Variants in RHOJ observed in about 807,000 individuals in gnomAD.
RHOJ encodes ras homolog family member J.
In RHOJ, 11 loss-of-function variants were observed where a neutral mutation model predicts 23.4. That is an observed-to-expected ratio of 0.47 (90% CI 0.30 to 0.78). RHOJ has a LOEUF of 0.78. RHOJ is among the 30% of genes least tolerant of loss of function. The pLI, the probability that RHOJ is intolerant of heterozygous loss-of-function variation, is 0.08. For missense variants in RHOJ, 254 were observed against 273.4 expected (o/e 0.93, Z 0.50); for synonymous variants, 102 against 102.7 (o/e 0.99, Z 0.04).
intron 2 of RHOJ, among the ~76,000 whole-genome samples, chr14:63,272,104 G>A (rs1004720966): frequency 7.9e-6 from 1 of 126,984 alleles, no homozygotes; most frequent in African/African-American, 4.6e-5. Context: ...TAAATTTTGA[G>A]AAGCACTACC....
At chr14:63,208,004 A>G (rs969484189) in intron 1 of RHOJ, among the ~76,000 whole-genome samples, 3 of 152,228 alleles carry the variant, frequency 2.0e-5, no homozygotes, top group African/African-American at 7.2e-5. Flanking sequence ...TGTAATTACA[A>G]GAGTATCCTT....
chr14:63,250,395 C>T (rs539630896), intron 1 of RHOJ, among the ~76,000 whole-genome samples: 229 of 152,224 alleles, frequency 1.5e-3, no homozygotes, highest in African/African-American at 5.0e-3. Context: ...CATGCCACCA[C>T]GCCCTGCTAA....
intron 1 of RHOJ, among the ~76,000 whole-genome samples, chr14:63,217,068 T>C (rs996641016): frequency 1.9e-5 from 1 of 52,348 alleles, no homozygotes; most frequent in Non-Finnish European, 5.3e-5. Context: ...TCTTTCCCGC[T>C]TTTTTTTTCT....
intron 1 of RHOJ, among the ~76,000 whole-genome samples, chr14:63,206,118 C>G (rs1361506485): frequency 6.6e-6 from 1 of 152,162 alleles, no homozygotes; most frequent in Non-Finnish European, 1.5e-5. Flanking sequence ...TGAAATCCTC[C>G]TTCTATAGAA....
At chr14:63,290,303 GA>G (rs1882206420) in intron 4 of RHOJ, among the ~76,000 whole-genome samples, 4 of 152,148 alleles carry the variant, frequency 2.6e-5, no homozygotes, top group Admixed American at 2.0e-4. Flanking sequence ...TTACCTTGTT[GA>G]GGGATACCTT....
At chr14:63,254,505 C>T (rs61589535) in intron 1 of RHOJ, among the ~76,000 whole-genome samples, 8,835 of 152,242 alleles carry the variant, frequency 0.058, 328 homozygotes, top group East Asian at 0.19. Context: ...TCATTACTTG[C>T]AAGGCACGGT....
intron 1 of RHOJ, among the ~76,000 whole-genome samples, chr14:63,239,563 A>T (rs1334641122): frequency 6.6e-6 from 1 of 152,170 alleles, no homozygotes; most frequent in Admixed American, 6.5e-5. Context: ...ACTCACATGG[A>T]CTCCTTTGAA....
intron 1 of RHOJ, among the ~76,000 whole-genome samples, chr14:63,240,519 T>C (rs1894865550): frequency 6.6e-6 from 1 of 152,152 alleles, no homozygotes; most frequent in Non-Finnish European, 1.5e-5. Context: ...GCTGAAGATG[T>C]ATAGGGCTCC....
chr14:63,288,446 T>G (rs1882152695), intron 4 of RHOJ: 1 of 509,594 alleles, frequency 2.0e-6, no homozygotes, highest in Non-Finnish European at 2.5e-6. Flanking sequence ...TCCAGACAAG[T>G]GCCACCACGT....
At chr14:63,214,533 T>C (rs1191300139) in intron 1 of RHOJ, among the ~76,000 whole-genome samples, 2 of 152,170 alleles carry the variant, frequency 1.3e-5, no homozygotes, top group Non-Finnish European at 2.9e-5. Flanking sequence ...GAAAAGGCCT[T>C]TAGTGCCTCT....
At chr14:63,262,150 T>A (rs931616614) in intron 1 of RHOJ, among the ~76,000 whole-genome samples, 1 of 152,168 alleles carries the variant, frequency 6.6e-6, no homozygotes, top group Non-Finnish European at 1.5e-5. Flanking sequence ...AAAAGACCAC[T>A]CTCGGCAGCT....
At chr14:63,230,109 G>A (rs1286168792) in intron 1 of RHOJ, among the ~76,000 whole-genome samples, 3 of 151,950 alleles carry the variant, frequency 2.0e-5, no homozygotes, top group Non-Finnish European at 2.9e-5. Context: ...AGAGTGGGGT[G>A]GCAGTGGTGA....
intron 1 of RHOJ, among the ~76,000 whole-genome samples, chr14:63,228,535 A>G (rs1335043101): frequency 6.6e-6 from 1 of 152,236 alleles, no homozygotes; most frequent in Non-Finnish European, 1.5e-5. Context: ...GGAAGCGCTT[A>G]AAGAATTGAT....
At chr14:63,212,103 C>G (rs1894249959) in intron 1 of RHOJ, among the ~76,000 whole-genome samples, 2 of 152,160 alleles carry the variant, frequency 1.3e-5, no homozygotes, top group Non-Finnish European at 2.9e-5. Flanking sequence ...CTGACATCCC[C>G]TAGGATTTCA....
chr14:63,205,716 C>T (rs1417745981), intron 1 of RHOJ, among the ~76,000 whole-genome samples: 1 of 152,114 alleles, frequency 6.6e-6, no homozygotes, highest in Admixed American at 6.5e-5. Context: ...CCTGAGAGGA[C>T]AAAATGCACA....
chr14:63,221,138 G>A (rs1437557538), intron 1 of RHOJ, among the ~76,000 whole-genome samples: 1 of 152,080 alleles, frequency 6.6e-6, no homozygotes, highest in Admixed American at 6.6e-5. Context: ...AGACCAGCCT[G>A]GGCAACATGA....
intron 2 of RHOJ, among the ~76,000 whole-genome samples, chr14:63,279,729 T>C (rs1005805419): frequency 1.3e-5 from 2 of 152,248 alleles, no homozygotes; most frequent in African/African-American, 4.8e-5. Context: ...TAAGTAATAC[T>C]TGAAACAAAT....
intron 1 of RHOJ, among the ~76,000 whole-genome samples, chr14:63,220,165 A>G (rs957522494): frequency 1.3e-5 from 2 of 152,198 alleles, no homozygotes; most frequent in Admixed American, 1.3e-4. Flanking sequence ...AGCAATGTCT[A>G]TCAAATCTAC....
In RHOJ at chr14:63,292,328, T is replaced by C. The variant is rs1882279327; in HGVS notation, c.*1304T>C. 6.6e-6 allele frequency: 1 copy of C among 152,226 alleles called. No homozygotes were observed. Among genetic ancestry groups the C allele is most frequent in the South Asian group, 2.1e-4 (1 of 4,824 alleles). 9.4% of individuals were successfully genotyped at this position (152,226 alleles called of 1,614,324 possible). ...AATGTGTGACATAGAACAGGGACTT[T>C]GGCCCTGGGAAAGCAAAAGCTCCCA... On this transcript the variant is annotated 3_prime_UTR_variant, in exon 5 of 5. Transcript: ENST00000316754.
Sources: gnomAD v4.1 joint callset for allele counts (sites outside exome capture counted in the v4.1 genomes callset) on GRCh38, gnomAD v4.1.1 for gene constraint, MANE v1.5 for transcripts, NCBI Gene and HGNC (gene_info 2026-07-23, HGNC 2026-07-21) for gene names.